RALGPS1: variants seen among roughly 807,000 people sequenced by gnomAD.
RALGPS1 encodes ras-specific guanine nucleotide-releasing factor RalGPS1.
Under a neutral mutation model 78.8 loss-of-function variants are expected in RALGPS1, and 19 were observed. The observed-to-expected ratio is 0.24, with a 90% CI of 0.17 to 0.35. The LOEUF (loss-of-function observed/expected upper bound fraction) is 0.35, where lower values mean the gene tolerates loss of function less well. Ranked by LOEUF, RALGPS1 falls within the 10% of genes least tolerant of loss-of-function variation. The probability of loss-of-function intolerance (pLI) is 1.00; values close to 1 mark genes in which losing one functional copy is unlikely to be tolerated. For synonymous variants in RALGPS1, 228 were observed against 256.3 expected (o/e 0.89, Z 1.06); for missense variants, 454 against 688.3 (o/e 0.66, Z 3.81).
intron 4 of RALGPS1, among the ~76,000 whole-genome samples, chr9:126,985,847 A>T (rs1368920074): frequency 6.6e-6 from 1 of 152,228 alleles, no homozygotes; most frequent in Non-Finnish European, 1.5e-5. Context: ...AGTACCTGGA[A>T]CACAGTACAT....
intron 4 of RALGPS1, among the ~76,000 whole-genome samples, chr9:126,992,780 T>C (rs2042393225): frequency 6.6e-6 from 1 of 152,256 alleles, no homozygotes; most frequent in South Asian, 2.1e-4. Context: ...TTGCCAAATA[T>C]ATGTAGGGTT....
intron 5 of RALGPS1, among the ~76,000 whole-genome samples, chr9:127,035,669 T>G (rs562069062): frequency 6.6e-6 from 1 of 152,056 alleles, no homozygotes; most frequent in Non-Finnish European, 1.5e-5. Context: ...GCCTTGACCT[T>G]CCACCCCAAG....
Position 127,212,521 on chromosome 9 carries a change from T to A in RALGPS1, c.1354-106T>A, listed in dbSNP as rs1042867278. 4 of 792,822 alleles carry A rather than the reference T, an allele frequency of 5.0e-6. No individual in the cohort carries two copies. The highest frequency in any genetic ancestry group is 7.9e-6 in the Non-Finnish European group (4 of 503,364). The allele number at this position is 792,822 out of a possible 1,614,324, so 49.1% of individuals were successfully genotyped here. On this transcript the variant is annotated intron_variant, in intron 15 of 18. Transcript: ENST00000259351. The surrounding 1 kb of genome is among the most constrained non-coding windows in gnomAD (Gnocchi z 6.0). ...GGGTGGTGGAGGGCCAGGGAAGAGATGGGGCCTGCACTGGCATTGATGGGA... is the reference window on the plus strand; with the variant it reads ...GGGTGGTGGAGGGCCAGGGAAGAGAAGGGGCCTGCACTGGCATTGATGGGA...
At chr9:127,208,945 A>G (rs928360615) in intron 14 of RALGPS1, among the ~76,000 whole-genome samples, 3 of 152,174 alleles carry the variant, frequency 2.0e-5, no homozygotes, top group African/African-American at 7.2e-5. Flanking sequence ...CTGGCATCAC[A>G]TTCTCCTCAG....
intron 8 of RALGPS1, among the ~76,000 whole-genome samples, chr9:127,072,889 A>G (rs1421194956): frequency 6.6e-6 from 1 of 152,184 alleles, no homozygotes; most frequent in East Asian, 1.9e-4. Context: ...ATTGTCTGAT[A>G]TTAATTGTGT....
chr9:126,938,054 T>C (rs2036422684), intron 1 of RALGPS1, among the ~76,000 whole-genome samples: 1 of 152,166 alleles, frequency 6.6e-6, no homozygotes, highest in African/African-American at 2.4e-5. Flanking sequence ...TGTTAAAATA[T>C]CTGTGTCTGG....
Position 127,182,158 on chromosome 9 carries a change from A to G in RALGPS1, c.910+7376A>G, listed in dbSNP as rs1311893566. 1.4e-5 allele frequency among the ~76,000 whole-genome samples: 2 copies of G among 144,828 alleles called. 1 individual carries two copies. The highest frequency in any genetic ancestry group is 4.4e-4 in the South Asian group (2 of 4,590). ...AGAGTTTGAGACCGGCCTGAGCAATATGGCAAAACCCCATCTGTTTAAAAA... is the reference window on the plus strand; with the variant it reads ...AGAGTTTGAGACCGGCCTGAGCAATGTGGCAAAACCCCATCTGTTTAAAAA... On this transcript the variant is annotated intron_variant, in intron 11 of 18. Transcript: ENST00000259351.
In RALGPS1 at chr9:126,960,164, T is replaced by C. The variant is rs1184167038; in HGVS notation, c.-65-2061T>C. Among the ~76,000 whole-genome samples the C allele has an allele frequency of 3.9e-5, 5 of 127,582 alleles. 1 individual carries two copies. In the South Asian group the frequency reaches 8.8e-4, roughly 22 times the overall value. 83.7% of individuals were successfully genotyped at this position (127,582 alleles called of 152,430 possible). A position where few individuals can be genotyped will look rare whatever the true frequency, so the allele number is the denominator to read the frequency against. ...CTGTTTCTTCCCTTTCTTCCCTTCCTTCCCTCCCTCCCTCCCTCCCTCCCT... is the reference window on the plus strand; with the variant it reads ...CTGTTTCTTCCCTTTCTTCCCTTCCCTCCCTCCCTCCCTCCCTCCCTCCCT... On this transcript the variant is annotated intron_variant, in intron 1 of 18. Transcript: ENST00000259351.
At chr9:127,141,446 G>A (rs909058730) in intron 8 of RALGPS1, among the ~76,000 whole-genome samples, 7 of 151,972 alleles carry the variant, frequency 4.6e-5, no homozygotes, top group Non-Finnish European at 8.8e-5. Context: ...AAGCACCCTT[G>A]GGGGTTTCCA....
intron 4 of RALGPS1, among the ~76,000 whole-genome samples, chr9:127,032,394 T>C (rs866744537): frequency 1.3e-5 from 2 of 150,854 alleles, no homozygotes; most frequent in African/African-American, 4.9e-5. Flanking sequence ...CACACACACA[T>C]GACTTCTGCT....
intron 1 of RALGPS1, among the ~76,000 whole-genome samples, chr9:126,951,189 CA>C (rs1389611475): frequency 1.8e-4 from 27 of 150,214 alleles, no homozygotes; most frequent in African/African-American, 6.5e-4. Context: ...GCTTACCAAC[CA>C]AAAAGAGTCC....
At chr9:126,956,814 A>T (rs2038388648) in intron 1 of RALGPS1, among the ~76,000 whole-genome samples, 1 of 152,212 alleles carries the variant, frequency 6.6e-6, no homozygotes, top group African/African-American at 2.4e-5. Flanking sequence ...ATTGTATGAT[A>T]ACACTGACAC....
chr9:127,121,197 A>G (rs1470393279), intron 8 of RALGPS1, among the ~76,000 whole-genome samples: 3 of 152,218 alleles, frequency 2.0e-5, no homozygotes, highest in Non-Finnish European at 2.9e-5. Context: ...TAAGTGCAAT[A>G]TAAGTGTTAG....
rs1044700197 is a variant in RALGPS1 at position 127,221,731 on chromosome 9, A to G, written c.*2962A>G. ...TCACTCTCTTTTGCCAGTTGAATTTATAGAGCATTTTTTTTCTTACCAAGA... is the reference window on the plus strand; with the variant it reads ...TCACTCTCTTTTGCCAGTTGAATTTGTAGAGCATTTTTTTTCTTACCAAGA... On this transcript the variant is annotated 3_prime_UTR_variant, in exon 19 of 19. Coordinates refer to ENST00000259351, the MANE Select transcript of RALGPS1 (RefSeq NM_014636.3). 2 of 152,208 alleles carry G rather than the reference A, an allele frequency of 1.3e-5. No homozygotes were observed. Among genetic ancestry groups the G allele is most frequent in the African/African-American group, 4.8e-5 (2 of 41,454 alleles). 9.4% of individuals were successfully genotyped at this position (152,208 alleles called of 1,614,324 possible). A position where few individuals can be genotyped will look rare whatever the true frequency, so the allele number is the denominator to read the frequency against.
At chr9:126,946,778 A>G (rs2037314209) in intron 1 of RALGPS1, among the ~76,000 whole-genome samples, 1 of 151,926 alleles carries the variant, frequency 6.6e-6, no homozygotes, top group South Asian at 2.1e-4. Context: ...TCATTTCTTG[A>G]TGTTCCCTTT....
intron 4 of RALGPS1, among the ~76,000 whole-genome samples, chr9:126,988,276 A>G (rs1006021265): frequency 3.9e-5 from 6 of 152,330 alleles, no homozygotes; most frequent in Admixed American, 1.3e-4. Flanking sequence ...ACACGTGTCA[A>G]GAGAGCCAGG....
At chr9:127,025,000 C>T (rs916398462) in intron 4 of RALGPS1, among the ~76,000 whole-genome samples, 6 of 152,196 alleles carry the variant, frequency 3.9e-5, no homozygotes, top group Non-Finnish European at 8.8e-5. Context: ...TGAGTGTTCT[C>T]ATGTGGAGAC....
At chr9:127,021,651 G>C (rs1250195798) in intron 4 of RALGPS1, among the ~76,000 whole-genome samples, 1 of 126,674 alleles carries the variant, frequency 7.9e-6, no homozygotes, top group Non-Finnish European at 1.6e-5. Context: ...TTTTTAAAGA[G>C]AACATCTGAA....
At chr9:127,174,504 C>T (rs970719036) in intron 10 of RALGPS1, among the ~76,000 whole-genome samples, 3 of 152,104 alleles carry the variant, frequency 2.0e-5, no homozygotes, top group African/African-American at 4.8e-5. Flanking sequence ...AGAGAGTAGG[C>T]CACACTCAAC....
Sources: gnomAD v4.1 joint callset for allele counts (sites outside exome capture counted in the v4.1 genomes callset) on GRCh38, gnomAD v4.1.1 for gene constraint, Gnocchi (gnomAD v3.1) non-coding constraint, MANE v1.5 for transcripts, NCBI Gene and HGNC (gene_info 2026-07-23, HGNC 2026-07-21) for gene names.